The following DOK6 variants were observed in gnomAD, a reference collection of about 807,000 sequenced individuals.
DOK6 encodes the protein docking protein 6.
DOK6 carries 22 observed loss-of-function variants against 44.0 expected under a neutral mutation model. The ratio of observed to expected loss-of-function variants is 0.50; its 90% CI spans 0.36 to 0.71. DOK6 has a LOEUF of 0.71. Among genes scored for constraint, DOK6 ranks in the 30% least tolerant of loss-of-function variants. The pLI is 0.00. For synonymous variants in DOK6, 166 were observed against 145.5 expected (o/e 1.14, Z -1.01); for missense variants, 340 against 416.4 (o/e 0.82, Z 1.60).
At chr18:69,839,070 C>G (rs1238561812) in intron 7 of DOK6, among the ~76,000 whole-genome samples, 3 of 140,028 alleles carry the variant, frequency 2.1e-5, no homozygotes, top group Admixed American at 2.1e-4. Flanking sequence ...CACTCCTAGT[C>G]TCTCCCTAAC....
chr18:69,769,516 T>A (rs1979825275), intron 7 of DOK6, among the ~76,000 whole-genome samples: 1 of 152,132 alleles, frequency 6.6e-6, no homozygotes, highest in Non-Finnish European at 1.5e-5. Flanking sequence ...AATTTCTTTT[T>A]AAAATATTTT....
chr18:69,412,527 C>T (rs1257709569), intron 1 of DOK6, among the ~76,000 whole-genome samples: 1 of 152,020 alleles, frequency 6.6e-6, no homozygotes, highest in Non-Finnish European at 1.5e-5. Flanking sequence ...TGGTTTTTAT[C>T]TCAAGTGATT....
intron 3 of DOK6, among the ~76,000 whole-genome samples, chr18:69,603,370 T>C (rs1983916635): frequency 6.6e-6 from 1 of 152,174 alleles, no homozygotes; most frequent in African/African-American, 2.4e-5. Context: ...GAGTGCCCTG[T>C]AGACATTTGT....
chr18:69,736,941 G>C (rs1406413614), intron 5 of DOK6, among the ~76,000 whole-genome samples: 1 of 152,166 alleles, frequency 6.6e-6, no homozygotes, highest in Non-Finnish European at 1.5e-5. Context: ...TGATGGTCTG[G>C]ACAAGCTCCC....
At chr18:69,715,561 G>T (rs746210274) in intron 5 of DOK6, among the ~76,000 whole-genome samples, 1 of 152,212 alleles carries the variant, frequency 6.6e-6, no homozygotes, top group African/African-American at 2.4e-5. Context: ...TGTCAGTCGA[G>T]TGCATTGTTA....
At chr18:69,680,771 A>G (rs1460658546) in intron 4 of DOK6, among the ~76,000 whole-genome samples, 1 of 152,230 alleles carries the variant, frequency 6.6e-6, no homozygotes, top group Non-Finnish European at 1.5e-5. Context: ...AGACTAAGAT[A>G]TCTCATCCGT....
chr18:69,718,784 G>T (rs994176744), intron 5 of DOK6, among the ~76,000 whole-genome samples: 2 of 151,802 alleles, frequency 1.3e-5, no homozygotes, highest in African/African-American at 4.8e-5. Flanking sequence ...ATCTCTATTT[G>T]CCCCTAGTTT....
chr18:69,525,890 T>A (rs1981817508), intron 1 of DOK6, among the ~76,000 whole-genome samples: 1 of 152,094 alleles, frequency 6.6e-6, no homozygotes, highest in African/African-American at 2.4e-5. Flanking sequence ...TTGAGTCATG[T>A]GTAAATCTGG....
At chr18:69,725,366 C>A (rs1258855819) in intron 5 of DOK6, among the ~76,000 whole-genome samples, 1 of 152,148 alleles carries the variant, frequency 6.6e-6, no homozygotes, top group East Asian at 1.9e-4. Context: ...TTCTGTAGCC[C>A]TTGGTTCTTT....
chr18:69,725,244 C>CA (rs1490461661), intron 5 of DOK6, among the ~76,000 whole-genome samples: 4 of 152,178 alleles, frequency 2.6e-5, no homozygotes, highest in African/African-American at 9.7e-5. Context: ...CACCACCCGT[C>CA]AGCCTGCAGT....
At chr18:69,551,145 A>T (rs57784756) in intron 1 of DOK6, among the ~76,000 whole-genome samples, 47,092 of 152,088 alleles carry the variant, frequency 0.31, 7,661 homozygotes, top group East Asian at 0.56. Flanking sequence ...TCCTTCTTTT[A>T]TAAAGATATA....
At chr18:69,665,343 G>A (rs992777621) in intron 3 of DOK6, among the ~76,000 whole-genome samples, 10 of 152,148 alleles carry the variant, frequency 6.6e-5, no homozygotes, top group African/African-American at 2.2e-4. Context: ...ATGCACACTT[G>A]TGAAATGAGA....
chr18:69,409,329 A>G (rs1978297055), intron 1 of DOK6, among the ~76,000 whole-genome samples: 1 of 152,222 alleles, frequency 6.6e-6, no homozygotes, highest in Non-Finnish European at 1.5e-5. Context: ...ACACATGTAG[A>G]AACGTGTGTA....
chr18:69,569,417 A>T (rs560356497), intron 2 of DOK6, among the ~76,000 whole-genome samples: 44 of 152,358 alleles, frequency 2.9e-4, no homozygotes, highest in African/African-American at 1.0e-3. Flanking sequence ...TGCTGGCTGA[A>T]ACAAAACACT....
At chr18:69,648,162 C>A (rs1338339281) in intron 3 of DOK6, among the ~76,000 whole-genome samples, 2 of 152,174 alleles carry the variant, frequency 1.3e-5, no homozygotes, top group South Asian at 2.1e-4. Context: ...ACTACGGCCA[C>A]ATTCAGGTCT....
At chr18:69,741,273 C>A (rs531601343) in intron 6 of DOK6, among the ~76,000 whole-genome samples, 1 of 152,326 alleles carries the variant, frequency 6.6e-6, no homozygotes, top group African/African-American at 2.4e-5. Flanking sequence ...TGATTTAATT[C>A]AGAAATAATT....
At chr18:69,417,999 G>T (rs1036917614) in intron 1 of DOK6, among the ~76,000 whole-genome samples, 20 of 151,972 alleles carry the variant, frequency 1.3e-4, no homozygotes, top group African/African-American at 4.8e-4. Context: ...TTTTCCTATC[G>T]TGTAGGTTTT....
intron 7 of DOK6, among the ~76,000 whole-genome samples, chr18:69,758,465 T>A (rs76208587): frequency 0.012 from 1,448 of 120,242 alleles, 66 homozygotes; most frequent in East Asian, 0.11. Flanking sequence ...ATGAATCAAA[T>A]TAATAGCTAG....
At chr18:69,547,752 C>T (rs969665209) in intron 1 of DOK6, among the ~76,000 whole-genome samples, 3 of 150,968 alleles carry the variant, frequency 2.0e-5, no homozygotes, top group Non-Finnish European at 3.0e-5. Context: ...TCTACTCTCT[C>T]TCCATGAGAT....
Sources: allele counts gnomAD v4.1 joint callset (sites outside exome capture counted in the v4.1 genomes callset), GRCh38; gene constraint gnomAD v4.1.1; transcripts MANE v1.5; gene names NCBI Gene and HGNC (gene_info 2026-07-23, HGNC 2026-07-21).